Variants in KDM2B observed in about 807,000 individuals in gnomAD.
The protein encoded by KDM2B is lysine demethylase 2B, also known as lysine-specific demethylase 2B.
KDM2B carries 26 observed loss-of-function variants against 150.0 expected under a neutral mutation model. The ratio of observed to expected loss-of-function variants is 0.17; its 90% CI spans 0.13 to 0.24. The LOEUF is 0.24. KDM2B is among the 10% of genes least tolerant of loss of function. The pLI is 1.00. For missense variants in KDM2B, 1,265 were observed against 1,816.9 expected (o/e 0.70, Z 5.52); for synonymous variants, 734 against 729.5 (o/e 1.01, Z -0.10).
chr12:121,443,356 C>CG, intron 17 of KDM2B: 1 of 574,330 alleles, frequency 1.7e-6, no homozygotes, highest in South Asian at 2.1e-5. Context: ...TGGGAATCCC[C>CG]GGCCCAGCAG....
intron 9 of KDM2B, among the ~76,000 whole-genome samples, chr12:121,514,069 TATGACCTGAG>T (rs1355809120): frequency 2.6e-5 from 4 of 152,076 alleles, no homozygotes; most frequent in Non-Finnish European, 5.9e-5. Context: ...AGGTCCCAGG[TATGACCTGAG>T]ACCAGCGTGA....
At chr12:121,554,555 C>T (rs1444230184) in intron 4 of KDM2B, among the ~76,000 whole-genome samples, 6 of 151,660 alleles carry the variant, frequency 4.0e-5, no homozygotes, top group Non-Finnish European at 8.8e-5. Flanking sequence ...GGATTACAGG[C>T]GCCTGCCACC....
chr12:121,458,395 AAAAAT>A (rs1555293254), intron 12 of KDM2B, among the ~76,000 whole-genome samples: 1 of 152,194 alleles, frequency 6.6e-6, no homozygotes, highest in African/African-American at 2.4e-5. Context: ...CAAGAATTAA[AAAAAT>A]AAAAACAAAA....
intron 13 of KDM2B, among the ~76,000 whole-genome samples, chr12:121,447,732 C>T (rs892571716): frequency 3.9e-5 from 6 of 151,908 alleles, no homozygotes; most frequent in East Asian, 3.9e-4. Context: ...GACATGATCT[C>T]GGCTCACTGC....
upstream of KDM2B, among the ~76,000 whole-genome samples, chr12:121,581,725 A>G (rs919922506): frequency 6.6e-6 from 1 of 152,182 alleles, no homozygotes. Flanking sequence ...GGGAAACTGA[A>G]GCTCAGAGAA....
intron 8 of KDM2B, among the ~76,000 whole-genome samples, chr12:121,526,276 CCAGGAGGTAAAAGTTG>C (rs1887123931): frequency 6.6e-6 from 1 of 152,084 alleles, no homozygotes; most frequent in South Asian, 2.1e-4. Flanking sequence ...TCACTTGAAC[CCAGGAGGTAAAAGTTG>C]CAGTGAGCCA....
chr12:121,453,616 G>A lies in KDM2B; in HGVS notation c.1735-272C>T, dbSNP rs10849887. ...ACACAGAGACAGACACGCACGTAGA[G>A]AACGTGTGTGAAGACACAGGCCTTC... On this transcript the variant is annotated intron_variant, in intron 12 of 22. Coordinates refer to ENST00000377071, the MANE Select transcript of KDM2B (RefSeq NM_032590.5). This position sits in a 1 kb window ranked among gnomAD's most constrained non-coding sequence, Gnocchi z 6.4. Among the ~76,000 whole-genome samples, 47,439 of 152,062 alleles carry A rather than the reference G, an allele frequency of 0.31. 8,880 individuals carry two copies. Among genetic ancestry groups the A allele is most frequent in the Non-Finnish European group, 0.39 (26,313 of 67,962 alleles).
chr12:121,420,828 T>C, the KDM2B span: 1 of 1,411,210 alleles, frequency 7.1e-7, no homozygotes, highest in South Asian at 1.2e-5. Flanking sequence ...CTTAGGCTTT[T>C]AAAAACTGGG....
At chr12:121,559,961 G>A (rs1890220671) in intron 4 of KDM2B, among the ~76,000 whole-genome samples, 1 of 151,412 alleles carries the variant, frequency 6.6e-6, no homozygotes, top group Non-Finnish European at 1.5e-5. Context: ...GTAGAAATTT[G>A]ATCATTGAAA....
chr12:121,457,458 C>T (rs1272875619), intron 12 of KDM2B, among the ~76,000 whole-genome samples: 4 of 151,878 alleles, frequency 2.6e-5, no homozygotes, highest in East Asian at 1.9e-4. Flanking sequence ...GATAGCATTT[C>T]GTCATGTTGG....
At chr12:121,428,815 G>T (rs981670365), downstream of KDM2B, among the ~76,000 whole-genome samples, 2 of 152,204 alleles carry the variant, frequency 1.3e-5, no homozygotes, top group African/African-American at 4.8e-5. Flanking sequence ...ACAGGATGCA[G>T]CCTCCTGCAG....
At chr12:121,550,219 A>T (rs946556794) in intron 4 of KDM2B, among the ~76,000 whole-genome samples, 2 of 151,966 alleles carry the variant, frequency 1.3e-5, no homozygotes, top group Non-Finnish European at 2.9e-5. Flanking sequence ...CTGAGGCAAG[A>T]GGATAGCTTG....
chr12:121,555,169 T>A (rs770679317), intron 4 of KDM2B, among the ~76,000 whole-genome samples: 1 of 152,158 alleles, frequency 6.6e-6, no homozygotes, highest in Non-Finnish European at 1.5e-5. Flanking sequence ...TGAGACTCTA[T>A]CTTAAAAAAT....
At chr12:121,444,645 C>A (rs562217336) in intron 14 of KDM2B, 109 bp from the exon 15 acceptor site, 1 of 855,514 alleles carries the variant, frequency 1.2e-6, no homozygotes, top group Admixed American at 1.9e-5. Context: ...CCCTCCCCAA[C>A]GTCACATCTA....
intron 12 of KDM2B, among the ~76,000 whole-genome samples, chr12:121,477,812 G>A (rs1369944094): frequency 1.3e-5 from 2 of 151,812 alleles, no homozygotes; most frequent in Non-Finnish European, 2.9e-5. Context: ...TCTTGACCTC[G>A]GGTGATCCAC....
At chr12:121,514,516 G>C (rs1377825086) in intron 9 of KDM2B, among the ~76,000 whole-genome samples, 1 of 151,710 alleles carries the variant, frequency 6.6e-6, no homozygotes, top group Non-Finnish European at 1.5e-5. Context: ...AGAGGTCCCT[G>C]ACACCCACAC....
intron 4 of KDM2B, among the ~76,000 whole-genome samples, chr12:121,564,782 G>C (rs1359830820): frequency 6.6e-6 from 1 of 151,782 alleles, no homozygotes; most frequent in African/African-American, 2.4e-5. Flanking sequence ...GATTCATATG[G>C]AAACACAAAG....
intron 4 of KDM2B, among the ~76,000 whole-genome samples, chr12:121,550,267 G>A (rs1463565418): frequency 2.7e-5 from 4 of 150,596 alleles, no homozygotes; most frequent in Non-Finnish European, 4.4e-5. Flanking sequence ...CTGAGATGGC[G>A]CCACCTCACT....
intron 4 of KDM2B, among the ~76,000 whole-genome samples, chr12:121,562,114 G>A (rs892248069): frequency 1.3e-4 from 20 of 151,066 alleles, no homozygotes; most frequent in African/African-American, 3.9e-4. Flanking sequence ...AGGTTGCAGC[G>A]AGCCGAGATC....
Sources: gnomAD v4.1 joint callset for allele counts (sites outside exome capture counted in the v4.1 genomes callset) on GRCh38, gnomAD v4.1.1 for gene constraint, Gnocchi (gnomAD v3.1) non-coding constraint, MANE v1.5 for transcripts, NCBI Gene and HGNC (gene_info 2026-07-23, HGNC 2026-07-21) for gene names.